The following MIPEP variants were observed in gnomAD, a reference collection of about 807,000 sequenced individuals.
MIPEP encodes mitochondrial intermediate peptidase.
Under a neutral mutation model 90.3 loss-of-function variants are expected in MIPEP, and 79 were observed. That is an observed-to-expected ratio of 0.87 (90% CI 0.73 to 1.05). The LOEUF (loss-of-function observed/expected upper bound fraction) is 1.05. Ranked by LOEUF, MIPEP falls within the 50% of genes least tolerant of loss-of-function variation. MIPEP has a pLI of 0.00. For synonymous variants in MIPEP, 334 were observed against 315.8 expected (o/e 1.06, Z -0.61); for missense variants, 940 against 905.6 (o/e 1.04, Z -0.49).
At chr13:23,832,331 T>C (rs888770663) in intron 14 of MIPEP, among the ~76,000 whole-genome samples, 2 of 152,148 alleles carry the variant, frequency 1.3e-5, no homozygotes, top group Admixed American at 6.5e-5. Flanking sequence ...CCCTTGACCT[T>C]GGACTTCTCA....
intron 8 of MIPEP, among the ~76,000 whole-genome samples, chr13:23,863,136 C>A (rs9510911): frequency 0.94 from 142,919 of 152,128 alleles, 67,167 homozygotes; most frequent in East Asian, 1. Flanking sequence ...GGTGTAGCCA[C>A]AACAGGCAAA....
chr13:23,807,711 A>G (rs530857190), intron 15 of MIPEP, among the ~76,000 whole-genome samples: 1 of 152,346 alleles, frequency 6.6e-6, no homozygotes, highest in Admixed American at 6.5e-5. Context: ...ATATTCTAAC[A>G]GAGTAAATTA....
At chr13:23,877,344 T>A (rs991485795) in intron 4 of MIPEP, among the ~76,000 whole-genome samples, 2 of 152,234 alleles carry the variant, frequency 1.3e-5, no homozygotes, top group South Asian at 4.1e-4. Context: ...GGTTCTGCAC[T>A]CTACCTTCCC....
At chr13:23,732,226 C>T (rs1031911775) in intron 18 of MIPEP, among the ~76,000 whole-genome samples, 2 of 151,902 alleles carry the variant, frequency 1.3e-5, no homozygotes, top group Admixed American at 1.3e-4. Context: ...TGGGCTCAAG[C>T]GATCCTCCTG....
At chr13:23,756,646 T>G in intron 17 of MIPEP, 28 bp from the exon 18 acceptor site, 1 of 1,604,378 alleles carries the variant, frequency 6.2e-7, no homozygotes, top group Non-Finnish European at 8.5e-7. Context: ...TGTTACAGAC[T>G]CCTGCTTGCA....
chr13:23,821,169 A>C (rs924591144), intron 14 of MIPEP, among the ~76,000 whole-genome samples: 1 of 152,234 alleles, frequency 6.6e-6, no homozygotes, highest in Non-Finnish European at 1.5e-5. Context: ...CCCTCAGTAA[A>C]GCTTTGCAAT....
intron 16 of MIPEP, chr13:23,765,961 T>C (rs1238851851): frequency 6.6e-6 from 1 of 152,212 alleles, no homozygotes; most frequent in Non-Finnish European, 1.5e-5. Flanking sequence ...CCAATGATGA[T>C]GTGACACTGT....
At chr13:23,862,993 G>T (rs549068835) in intron 8 of MIPEP, among the ~76,000 whole-genome samples, 1 of 152,226 alleles carries the variant, frequency 6.6e-6, no homozygotes, top group African/African-American at 2.4e-5. Flanking sequence ...TTGTATCAAA[G>T]ACACAGTGGT....
At position 23,746,068 on chromosome 13, in the gene MIPEP, G is replaced by A. The variant is rs138871087; in HGVS notation, c.2044+10477C>T. Among the ~76,000 whole-genome samples the A allele has an allele frequency of 2.7e-3, 393 of 144,444 alleles. 2 individuals are homozygous for A. Among genetic ancestry groups the A allele is most frequent in the African/African-American group, 9.8e-3 (384 of 39,300 alleles). 94.8% of individuals were successfully genotyped at this position (144,444 alleles called of 152,430 possible). A position where few individuals can be genotyped will look rare whatever the true frequency, so the allele number is the denominator to read the frequency against. ...TCACTCTTGTCACCCAGGCTGGAGT[G>A]TAACGGCACAATCTTGGCTCACTGC... On this transcript the variant is annotated intron_variant, in intron 18 of 18. Transcript: ENST00000382172.
chr13:23,805,855 A>G, intron 16 of MIPEP, 95 bp downstream of exon 16: 1 of 1,367,346 alleles, frequency 7.3e-7, no homozygotes, highest in Non-Finnish European at 1.0e-6. Context: ...AAATGTAGGG[A>G]TTTCAAGTTC....
rs11483802 is a variant in MIPEP at position 23,851,700 on chromosome 13, C to CTT, written c.1106+7158_1106+7159dup. Among the ~76,000 whole-genome samples, 318 of 148,330 alleles carry CTT rather than the reference C, an allele frequency of 2.1e-3. 2 individuals are homozygous for CTT. The highest frequency in any genetic ancestry group is 6.8e-3 in the Middle Eastern group (2 of 294). ...TATTTCATGTCTTTTTTTTAATTTT[C>CTT]TTTTTTTTTTAAGAGATGGAGTCTC... is the stretch of plus-strand genomic sequence containing the variant. On this transcript the variant is annotated intron_variant, in intron 10 of 18. Transcript: ENST00000382172.
chr13:23,760,040 A>AT, intron 17 of MIPEP, 56 bp downstream of exon 17: 1 of 1,608,728 alleles, frequency 6.2e-7, no homozygotes, highest in Non-Finnish European at 8.5e-7. Flanking sequence ...CAGATGTAAT[A>AT]GAGTGGGGAA....
At position 23,730,386 on chromosome 13, in the gene MIPEP, C is replaced by A. The variant is rs1463454943; in HGVS notation, c.2104G>T (p.Asp702Tyr). 1 of 1,612,714 alleles carries A rather than the reference C, an allele frequency of 6.2e-7. No individual in the cohort carries two copies. The highest frequency in any genetic ancestry group is 1.7e-5 in the Admixed American group (1 of 60,020). ...ATGAGGAAAGTTTCGAAGTCCAGAT[C>A]CAAGTCGGAAACGAGGGCACTTACG... ...DFVSALVSDL[D>Y]LDFETFLMDS... Residue 702 changes from aspartate (D) to tyrosine (Y), a missense_variant, in exon 19 of 19, where the codon GAT (aspartate) becomes TAT (tyrosine). Physicochemically the swap from Asp to Tyr is radical, Grantham distance 160. Coordinates refer to ENST00000382172, the MANE Select transcript of MIPEP (RefSeq NM_005932.4).
intron 18 of MIPEP, among the ~76,000 whole-genome samples, chr13:23,731,731 G>C (rs111577356): frequency 6.6e-6 from 1 of 152,024 alleles, no homozygotes; most frequent in Admixed American, 6.5e-5. Flanking sequence ...CATATCTCAC[G>C]TAAGACTGGT....
chr13:23,765,790 T>C (rs575247036), intron 16 of MIPEP: 29 of 152,340 alleles, frequency 1.9e-4, no homozygotes, highest in African/African-American at 6.5e-4. Context: ...GACATCTGGC[T>C]GAGATGCAGA....
chr13:23,856,222 A>G (rs974393556), intron 10 of MIPEP, among the ~76,000 whole-genome samples: 1 of 152,212 alleles, frequency 6.6e-6, no homozygotes, highest in African/African-American at 2.4e-5. Flanking sequence ...CTTCATGGAC[A>G]CCTGGCAAGA....
At chr13:23,884,682 G>A (rs1402272454) in intron 2 of MIPEP, among the ~76,000 whole-genome samples, 1 of 152,196 alleles carries the variant, frequency 6.6e-6, no homozygotes, top group Admixed American at 6.5e-5. Flanking sequence ...TGTAGAAAGG[G>A]CCTACAGTCT....
chr13:23,854,982 G>C (rs953374816), intron 10 of MIPEP, among the ~76,000 whole-genome samples: 4 of 151,268 alleles, frequency 2.6e-5, no homozygotes, highest in Admixed American at 2.0e-4. Flanking sequence ...TCACAGAAAA[G>C]AAATAGTGTT....
rs1570980 is a variant in MIPEP, at chr13:23,820,555, C to T, written c.1654-10631G>A. Reference sequence around the variant, plus strand: ...GAAAGAATTCTTATAAATAAAACATCGTAAAGAAATAAAGGAATAAATACA... The same window carrying T: ...GAAAGAATTCTTATAAATAAAACATTGTAAAGAAATAAAGGAATAAATACA... On this transcript the variant is annotated intron_variant, in intron 14 of 18. Transcript: ENST00000382172. Among the ~76,000 whole-genome samples, 3,933 of 152,210 alleles carry T rather than the reference C, an allele frequency of 0.026. 401 individuals carry two copies. The East Asian group carries it at 0.34, about 13-fold the overall frequency.
Sources: gnomAD v4.1 joint callset for allele counts (sites outside exome capture counted in the v4.1 genomes callset) on GRCh38, gnomAD v4.1.1 for gene constraint, MANE v1.5 for transcripts, NCBI Gene and HGNC (gene_info 2026-07-23, HGNC 2026-07-21) for gene names.